Variants in ZC3H8 observed in about 807,000 individuals in gnomAD.
ZC3H8 encodes zinc finger CCCH domain-containing protein 8.
Under a neutral mutation model 42.5 loss-of-function variants are expected in ZC3H8, and 27 were observed. The ratio of observed to expected loss-of-function variants is 0.64; its 90% CI spans 0.47 to 0.88. The LOEUF (loss-of-function observed/expected upper bound fraction) is 0.88. Among genes scored for constraint, ZC3H8 ranks in the 40% least tolerant of loss-of-function variants. ZC3H8 has a pLI of 0.00. For synonymous variants in ZC3H8, 101 were observed against 110.1 expected (o/e 0.92, Z 0.52); for missense variants, 277 against 336.1 (o/e 0.82, Z 1.37).
Position 112,231,902 on chromosome 2 carries a change from T to G in ZC3H8, c.779A>C (p.Gln260Pro). The G allele has an allele frequency of 6.3e-7, 1 of 1,588,896 alleles. No individual in the cohort carries two copies. Among genetic ancestry groups the G allele is most frequent in the African/African-American group, 1.3e-5 (1 of 74,616 alleles). Residue 260 changes from glutamine (Q) to proline (P), a missense_variant, in exon 7 of 9, where the codon CAG becomes CCG. By Grantham distance (76) the Gln-to-Pro change is moderately conservative (BLOSUM62 -1). Transcript: ENST00000409573. Reference sequence around the variant, plus strand: ...ATGAGAAAACTTGCAGTATTCTCCCTGATAACATTTTGTTCCTGTATGGTA... The same window carrying G: ...ATGAGAAAACTTGCAGTATTCTCCCGGATAACATTTTGTTCCTGTATGGTA... ...KFYHTGTKCY[Q>P]GEYCKFSHAP...
Position 112,251,546 on chromosome 2 carries a change from C to T in ZC3H8, c.75-1274G>A, listed in dbSNP as rs143048321. 1.5e-3 allele frequency among the ~76,000 whole-genome samples: 223 copies of T among 152,350 alleles called. 2 individuals carry two copies. The highest frequency in any genetic ancestry group is 5.2e-3 in the African/African-American group (217 of 41,584). On this transcript the variant is annotated intron_variant, in intron 1 of 8. Coordinates refer to ENST00000409573, the MANE Select transcript of ZC3H8 (RefSeq NM_032494.3). The stretch of plus-strand genomic sequence containing the variant: ...ACAATAATGACCTCAATAGCAGTAA[C>T]AGCATCAGCCAACACTTGAATGATG...
intron 2 of ZC3H8, among the ~76,000 whole-genome samples, chr2:112,239,797 C>T (rs1045575087): frequency 6.6e-6 from 1 of 152,104 alleles, no homozygotes; most frequent in African/African-American, 2.4e-5. Flanking sequence ...ATTGGCCAGG[C>T]TGGTCCTGAA....
intron 8 of ZC3H8, among the ~76,000 whole-genome samples, chr2:112,228,745 G>A (rs1047769356): frequency 6.6e-6 from 1 of 151,504 alleles, no homozygotes; most frequent in African/African-American, 2.4e-5. Context: ...TAAACTGTAC[G>A]ACATCAAAAT....
At chr2:112,237,913 A>G (rs146807419) in intron 3 of ZC3H8, among the ~76,000 whole-genome samples, 14 of 152,308 alleles carry the variant, frequency 9.2e-5, no homozygotes, top group African/African-American at 3.4e-4. Flanking sequence ...TTATGGCTAA[A>G]TCTCATTTTA....
intron 8 of ZC3H8, among the ~76,000 whole-genome samples, chr2:112,227,343 G>GGT (rs1684885457): frequency 6.6e-6 from 1 of 152,158 alleles, no homozygotes. Context: ...TGGCCAACAT[G>GGT]GTGAAACCCC....
chr2:112,219,367 CTG>C (rs1005268383), intron 8 of ZC3H8, among the ~76,000 whole-genome samples: 5 of 152,170 alleles, frequency 3.3e-5, no homozygotes, highest in Non-Finnish European at 7.4e-5. Flanking sequence ...GCTAGGAAAA[CTG>C]GATCTCCTCA....
At chr2:112,218,511 G>C (rs1359301286) in intron 8 of ZC3H8, among the ~76,000 whole-genome samples, 1 of 152,030 alleles carries the variant, frequency 6.6e-6, no homozygotes, top group Non-Finnish European at 1.5e-5. Flanking sequence ...CACAAACAAT[G>C]AACAGTCTAA....
Position 112,237,386 on chromosome 2 carries a change from T to C in ZC3H8, c.371-691A>G, listed in dbSNP as rs960532879. The stretch of plus-strand genomic sequence containing the variant: ...TGTTTACAATGACCTCATAAATTAC[T>C]GTCAGATTTTTCACTGAAAACATTT... On this transcript the variant is annotated intron_variant, in intron 3 of 8. Coordinates refer to ENST00000409573, the MANE Select transcript of ZC3H8 (RefSeq NM_032494.3). Among the ~76,000 whole-genome samples the C allele has an allele frequency of 3.0e-4, 45 of 152,198 alleles. 3 individuals are homozygous for C. Among genetic ancestry groups the C allele is most frequent in the Non-Finnish European group, 2.9e-5 (2 of 68,024 alleles).
chr2:112,236,945 C>T (rs1026870789), intron 3 of ZC3H8, among the ~76,000 whole-genome samples: 4 of 152,192 alleles, frequency 2.6e-5, no homozygotes, highest in Non-Finnish European at 5.9e-5. Context: ...AGTCCAGCTA[C>T]TCTGGGACTA....
rs1413347410 is a variant in ZC3H8 at position 112,238,526 on chromosome 2, AAACT to A, written c.157-2_158del. 1 of 1,592,650 alleles carries A rather than the reference AAACT, an allele frequency of 6.3e-7. No homozygotes were observed. The highest frequency in any genetic ancestry group is 8.5e-7 in the Non-Finnish European group (1 of 1,174,266). On this transcript the variant is annotated splice_acceptor_variant and coding_sequence_variant, in exon 3 of 9. Transcript: ENST00000409573. LOFTEE classifies it high-confidence loss of function. ...TTTTTGGTGATATTGCAGAGTGTCT[AAACT>A]AAGTAAAAATTAAAACTTCAATTTT...
chr2:112,232,383 T>C (rs1222138237), intron 6 of ZC3H8, among the ~76,000 whole-genome samples: 4 of 150,330 alleles, frequency 2.7e-5, no homozygotes. Context: ...AAGTATGAGA[T>C]AATAAACTAA....
At chr2:112,224,585 C>A (rs376986486) in intron 8 of ZC3H8, among the ~76,000 whole-genome samples, 101 of 152,242 alleles carry the variant, frequency 6.6e-4, no homozygotes, top group African/African-American at 2.3e-3. Flanking sequence ...TTATAATACT[C>A]AAATGTCCAT....
At chr2:112,238,642 G>C (rs1685451658) in intron 2 of ZC3H8, 114 bp from the exon 3 acceptor site, 1 of 764,676 alleles carries the variant, frequency 1.3e-6, no homozygotes, top group Non-Finnish European at 2.1e-6. Context: ...GTGGGTAATA[G>C]GTACATGGGA....
At chr2:112,219,528 T>C (rs1684492873) in intron 8 of ZC3H8, among the ~76,000 whole-genome samples, 1 of 152,210 alleles carries the variant, frequency 6.6e-6, no homozygotes, top group Admixed American at 6.5e-5. Flanking sequence ...TACAACATTA[T>C]TTACCCAGAA....
At chr2:112,223,220 C>A (rs1236969390) in intron 8 of ZC3H8, among the ~76,000 whole-genome samples, 1 of 151,406 alleles carries the variant, frequency 6.6e-6, no homozygotes, top group Non-Finnish European at 1.5e-5. Flanking sequence ...AACAAACCTG[C>A]ACGTTGTGCA....
intron 6 of ZC3H8, among the ~76,000 whole-genome samples, chr2:112,232,952 A>G (rs765775661): frequency 3.3e-5 from 5 of 152,232 alleles, no homozygotes; most frequent in Non-Finnish European, 7.3e-5. Flanking sequence ...TTATTTGAAT[A>G]TAGATTCAAT....
chr2:112,229,804 C>G (rs1279997442), intron 8 of ZC3H8, among the ~76,000 whole-genome samples: 1 of 151,844 alleles, frequency 6.6e-6, no homozygotes, highest in Non-Finnish European at 1.5e-5. Flanking sequence ...TACAGCAAAG[C>G]TCCAAAACTT....
Position 112,213,847 on chromosome 2 carries a change from C to A in ZC3H8, c.*2637G>T, listed in dbSNP as rs2104635297. On this transcript the variant is annotated 3_prime_UTR_variant, in exon 9 of 9. Transcript: ENST00000409573. ...CTATTATGTGGCTTTTAGTAACTGACCATAAAAAGACCCATATGAAACCTG... is the reference window on the plus strand; with the variant it reads ...CTATTATGTGGCTTTTAGTAACTGAACATAAAAAGACCCATATGAAACCTG... 1 of 144,390 alleles carries A rather than the reference C, an allele frequency of 6.9e-6. No homozygotes were observed. Among genetic ancestry groups the A allele is most frequent in the South Asian group, 2.2e-4 (1 of 4,570 alleles). 8.9% of individuals were successfully genotyped at this position (144,390 alleles called of 1,614,324 possible). A position where few individuals can be genotyped will look rare whatever the true frequency, so the allele number is the denominator to read the frequency against.
intron 1 of ZC3H8, among the ~76,000 whole-genome samples, chr2:112,251,079 T>C (rs1685929483): frequency 6.6e-6 from 1 of 152,210 alleles, no homozygotes; most frequent in South Asian, 2.1e-4. Flanking sequence ...TGGTTGATAC[T>C]AGAAATATAG....
Sources: allele counts gnomAD v4.1 joint callset (sites outside exome capture counted in the v4.1 genomes callset), GRCh38; gene constraint gnomAD v4.1.1; transcripts MANE v1.5; gene names NCBI Gene and HGNC (gene_info 2026-07-23, HGNC 2026-07-21).